The following NAALADL2 variants were observed in gnomAD, a reference collection of about 807,000 sequenced individuals.
NAALADL2 encodes the protein N-acetylated alpha-linked acidic dipeptidase like 2.
NAALADL2 carries 76 observed loss-of-function variants against 87.2 expected under a neutral mutation model. That is an observed-to-expected ratio of 0.87 (90% CI 0.72 to 1.05). The LOEUF (loss-of-function observed/expected upper bound fraction) is 1.05, where lower values mean the gene tolerates loss of function less well. Ranked by LOEUF, NAALADL2 falls within the 50% of genes least tolerant of loss-of-function variation. The pLI, the probability that NAALADL2 is intolerant of heterozygous loss-of-function variation, is 0.00. For missense variants in NAALADL2, 1,089 were observed against 945.8 expected, an observed-to-expected ratio of 1.15 and a Z score of -1.99; for synonymous variants, 354 against 331.0, an observed-to-expected ratio of 1.07 and a Z score of -0.75.
intron 3 of NAALADL2, among the ~76,000 whole-genome samples, chr3:174,846,252 G>T (rs1724602690): frequency 6.6e-6 from 1 of 152,162 alleles, no homozygotes; most frequent in African/African-American, 2.4e-5. Flanking sequence ...TCTCTATGTT[G>T]GTATACTAGG....
At chr3:175,789,592 G>A (rs1478176686) in intron 13 of NAALADL2, among the ~76,000 whole-genome samples, 2 of 152,138 alleles carry the variant, frequency 1.3e-5, no homozygotes, top group Non-Finnish European at 2.9e-5. Context: ...CATTCATTAA[G>A]CATGGAACAA....
chr3:175,212,826 G>A (rs936641421), intron 2 of NAALADL2, among the ~76,000 whole-genome samples: 32 of 152,250 alleles, frequency 2.1e-4, no homozygotes, highest in African/African-American at 7.7e-4. Flanking sequence ...CAGAAAGTTC[G>A]TATGAAATAC....
At chr3:175,755,193 T>C (rs1249609666) in intron 12 of NAALADL2, 27 bp from the exon 13 acceptor site, 1 of 1,591,182 alleles carries the variant, frequency 6.3e-7, no homozygotes, top group African/African-American at 1.3e-5. Context: ...ATGTCTCTTC[T>C]GAGATGGGCT....
At chr3:174,979,096 T>G (rs538948025) in intron 1 of NAALADL2, among the ~76,000 whole-genome samples, 1 of 152,190 alleles carries the variant, frequency 6.6e-6, no homozygotes, top group African/African-American at 2.4e-5. Flanking sequence ...TAAGACAGTT[T>G]CTAAAATATT....
At chr3:174,618,469 T>C (rs1720693148) in intron 2 of NAALADL2, among the ~76,000 whole-genome samples, 1 of 151,756 alleles carries the variant, frequency 6.6e-6, no homozygotes, top group African/African-American at 2.4e-5. Context: ...AAGATTTTGT[T>C]TACTATAACA....
At chr3:175,234,447 A>G (rs1333683762) in intron 3 of NAALADL2, among the ~76,000 whole-genome samples, 3 of 152,208 alleles carry the variant, frequency 2.0e-5, no homozygotes, top group Non-Finnish European at 4.4e-5. Flanking sequence ...TGACTGAGTC[A>G]TTCACATTTT....
At chr3:174,610,114 T>C (rs1578306933) in intron 2 of NAALADL2, among the ~76,000 whole-genome samples, 1 of 151,144 alleles carries the variant, frequency 6.6e-6, no homozygotes, top group African/African-American at 2.4e-5. Flanking sequence ...TAGCCATATG[T>C]AGAAAGCTGT....
rs557491655 is a variant in NAALADL2, at chr3:174,500,192, C to CT, written c.-183-50369dup. ...ATAATTTTGATGTGATTTCAGATGA[C>CT]TTTTTTTTCTAAATTCGAATTTCTG... On this transcript the variant is annotated intron_variant, in intron 1 of 3. Coordinates refer to the NAALADL2 transcript ENST00000434257. Among the ~76,000 whole-genome samples the CT allele has an allele frequency of 9.2e-5, 14 of 151,866 alleles. No homozygotes were observed. In the South Asian group the frequency reaches 2.5e-3, roughly 27 times the overall value.
rs927965223 is a variant in NAALADL2, at chr3:175,669,720, ATTAAGGCAAT to A, written c.1896+42335_1896+42344del. Among the ~76,000 whole-genome samples, 5 of 152,006 alleles carry A rather than the reference ATTAAGGCAAT, an allele frequency of 3.3e-5. 1 individual carries two copies. The highest frequency in any genetic ancestry group is 3.3e-4 in the Admixed American group (5 of 15,242). Reference sequence around the variant, plus strand: ...GTGAGAAAAATCTGAAATTTCTTAAATTAAGGCAATATAAGGTAAGTGAATAGTTTCCCAA... The same window carrying A: ...GTGAGAAAAATCTGAAATTTCTTAAAATAAGGTAAGTGAATAGTTTCCCAA... On this transcript the variant is annotated intron_variant, in intron 11 of 13. Coordinates refer to ENST00000454872, the MANE Select transcript of NAALADL2 (RefSeq NM_207015.3).
intron 1 of NAALADL2, among the ~76,000 whole-genome samples, chr3:174,936,469 A>G (rs528781712): frequency 1.2e-4 from 18 of 152,204 alleles, no homozygotes; most frequent in Admixed American, 4.6e-4. Context: ...AGATAAAAAG[A>G]TTTTGAGAAT....
intron 3 of NAALADL2, among the ~76,000 whole-genome samples, chr3:174,759,330 C>A (rs1459898274): frequency 1.3e-5 from 2 of 152,104 alleles, no homozygotes; most frequent in Non-Finnish European, 2.9e-5. Flanking sequence ...ACATTAAAGA[C>A]CCAGATACAA....
chr3:174,645,334 T>G (rs1400102812), intron 2 of NAALADL2, among the ~76,000 whole-genome samples: 4 of 152,182 alleles, frequency 2.6e-5, no homozygotes, highest in Non-Finnish European at 5.9e-5. Flanking sequence ...GGAGGTCAGA[T>G]TTTACTGACT....
intron 5 of NAALADL2, among the ~76,000 whole-genome samples, chr3:175,440,068 TGA>T (rs1055632990): frequency 5.3e-5 from 8 of 152,306 alleles, no homozygotes; most frequent in Admixed American, 4.6e-4. Context: ...TTGTATAAGA[TGA>T]GAGATGAGAA....
intron 13 of NAALADL2, among the ~76,000 whole-genome samples, chr3:175,783,787 C>G (rs1198887529): frequency 6.7e-6 from 1 of 150,252 alleles, no homozygotes; most frequent in African/African-American, 2.5e-5. Flanking sequence ...TGCCAGTTTT[C>G]AAAGGGAATG....
chr3:174,623,483 A>G (rs1677249875), intron 2 of NAALADL2, among the ~76,000 whole-genome samples: 2 of 152,094 alleles, frequency 1.3e-5, no homozygotes, highest in South Asian at 2.1e-4. Flanking sequence ...ATATACATGT[A>G]TTTTATGCAT....
chr3:174,802,650 A>C (rs1394304367), intron 3 of NAALADL2, among the ~76,000 whole-genome samples: 2 of 152,112 alleles, frequency 1.3e-5, no homozygotes, highest in African/African-American at 4.8e-5. Context: ...ACCTCCCGAC[A>C]GGCCCCGGTG....
At chr3:175,372,145 C>A (rs1448603894) in intron 5 of NAALADL2, among the ~76,000 whole-genome samples, 5 of 152,148 alleles carry the variant, frequency 3.3e-5, no homozygotes, top group Non-Finnish European at 7.4e-5. Context: ...GTGTAGCTGG[C>A]GTGTTGCCCT....
intron 2 of NAALADL2, among the ~76,000 whole-genome samples, chr3:174,584,653 T>G (rs893289290): frequency 2.0e-5 from 3 of 152,164 alleles, no homozygotes; most frequent in African/African-American, 7.2e-5. Flanking sequence ...GATAGCTAAT[T>G]ATCCTGGGGA....
chr3:175,299,556 A>G (rs1756786252), intron 4 of NAALADL2, among the ~76,000 whole-genome samples: 1 of 152,052 alleles, frequency 6.6e-6, no homozygotes, highest in Non-Finnish European at 1.5e-5. Context: ...CTTTGTAGCA[A>G]TTGTGAATGG....
Sources: gnomAD v4.1 joint callset for allele counts (sites outside exome capture counted in the v4.1 genomes callset) on GRCh38, gnomAD v4.1.1 for gene constraint, MANE v1.5 for transcripts, NCBI Gene and HGNC (gene_info 2026-07-23, HGNC 2026-07-21) for gene names.